SYNE2: variants seen among roughly 807,000 people sequenced by gnomAD.
The protein encoded by SYNE2 is nesprin-2.
In SYNE2, 431 loss-of-function variants were observed where a neutral mutation model predicts 856.3. The observed-to-expected ratio is 0.50, with a 90% CI of 0.47 to 0.55. The LOEUF (loss-of-function observed/expected upper bound fraction) is 0.55, where lower values mean the gene tolerates loss of function less well. SYNE2 is among the 20% of genes least tolerant of loss of function. The pLI, the probability that SYNE2 is intolerant of heterozygous loss-of-function variation, is 0.00. For synonymous variants in SYNE2, 2,923 were observed against 2,872.3 expected, an observed-to-expected ratio of 1.02 and a Z score of -0.56; for missense variants, 8,129 against 8,023.2, an observed-to-expected ratio of 1.01 and a Z score of -0.50.
rs149883279 is a variant in SYNE2 at position 64,031,753 on chromosome 14, C to T, written c.7221+396C>T. On this transcript the variant is annotated intron_variant, in intron 45 of 115. Transcript: ENST00000555002. The stretch of plus-strand genomic sequence containing the variant: ...ATTTCATAATAAAATCAGAGACTGT[C>T]GGAAAGGATAGTTTCTTATCTTTTT... Among the ~76,000 whole-genome samples, 8 of 152,170 alleles carry T rather than the reference C, an allele frequency of 5.3e-5. No homozygotes were observed. In the East Asian group the frequency reaches 1.3e-3, roughly 26 times the overall value.
chr14:64,123,735 A>T (rs1243882074), intron 70 of SYNE2, among the ~76,000 whole-genome samples: 3 of 152,202 alleles, frequency 2.0e-5, no homozygotes, highest in Non-Finnish European at 4.4e-5. Context: ...TAACAAATCA[A>T]GATGCAAACC....
At chr14:64,085,318 C>T (rs1407081910) in intron 57 of SYNE2, among the ~76,000 whole-genome samples, 1 of 152,286 alleles carries the variant, frequency 6.6e-6, no homozygotes, top group African/African-American at 2.4e-5. Context: ...TTGGAAGTGA[C>T]ATCTCATCAT....
intron 74 of SYNE2, 84 bp downstream of exon 74, chr14:64,128,637 T>C: frequency 1.2e-6 from 1 of 845,410 alleles, no homozygotes; most frequent in South Asian, 1.3e-5. Flanking sequence ...ACTACTTTCC[T>C]TTGTGAGCAG....
chr14:64,213,249 G>A (rs961321911), intron 105 of SYNE2, among the ~76,000 whole-genome samples: 7 of 152,142 alleles, frequency 4.6e-5, no homozygotes, highest in East Asian at 1.9e-4. Context: ...TCCACGAGTC[G>A]CTTTTAAGTA....
chr14:64,162,242 C>G lies in SYNE2; in HGVS notation c.16265C>G (p.Ala5422Gly). 2 of 1,614,200 alleles carry G rather than the reference C, an allele frequency of 1.2e-6. No homozygotes were observed. The highest frequency in any genetic ancestry group is 1.7e-6 in the Non-Finnish European group (2 of 1,180,026). The part of the protein sequence containing the change: ...ANISMSGNNL[A>G]EILPPALQDI... ...ATCAGCATGTCTGGAAACAACCTGG[C>G]AGAGATCCTGCCCCCAGCCCTGCAG... is the stretch of plus-strand genomic sequence containing the variant. The change falls in exon 88 of 116, where the codon GCA (alanine) becomes GGA (glycine). Residue 5422 changes from alanine to glycine, a missense_variant. Transcript: ENST00000555002.
chr14:63,814,089 A>ACAACAACAACAG (rs1888727570), intron 1 of SYNE2, among the ~76,000 whole-genome samples: 1 of 150,712 alleles, frequency 6.6e-6, no homozygotes, highest in Non-Finnish European at 1.5e-5. Context: ...AACAACAACA[A>ACAACAACAACAG]CAGCAACAAC....
chr14:63,869,032 C>T (rs1477365638), intron 1 of SYNE2, among the ~76,000 whole-genome samples: 1 of 152,116 alleles, frequency 6.6e-6, no homozygotes, highest in Non-Finnish European at 1.5e-5. Flanking sequence ...TCAAGCAGCT[C>T]CGAAGGGAAA....
intron 79 of SYNE2, among the ~76,000 whole-genome samples, chr14:64,138,218 T>G (rs2098111999): frequency 3.3e-5 from 5 of 152,098 alleles, no homozygotes. Context: ...TTCTTTTCTT[T>G]TCTTTTCTTT....
At chr14:63,938,520 G>T (rs1313848445) in intron 2 of SYNE2, among the ~76,000 whole-genome samples, 2 of 152,158 alleles carry the variant, frequency 1.3e-5, no homozygotes, top group Non-Finnish European at 2.9e-5. Flanking sequence ...AATGATAGAG[G>T]TAGGTAACAA....
intron 1 of SYNE2, among the ~76,000 whole-genome samples, chr14:63,801,477 C>T (rs71416313): frequency 0.047 from 7,192 of 152,078 alleles, 216 homozygotes; most frequent in Middle Eastern, 0.095. Flanking sequence ...TTCGAGACCT[C>T]GAGACCAGCC....
intron 11 of SYNE2, among the ~76,000 whole-genome samples, chr14:63,970,576 ACTCT>A (rs1438025709): frequency 7.0e-6 from 1 of 142,634 alleles, no homozygotes; most frequent in African/African-American, 2.6e-5. Flanking sequence ...ATATCATTTA[ACTCT>A]TTGTTTTGTT....
At chr14:64,043,021 A>G (rs1398735561) in intron 45 of SYNE2, among the ~76,000 whole-genome samples, 1 of 152,182 alleles carries the variant, frequency 6.6e-6, no homozygotes, top group African/African-American at 2.4e-5. Context: ...GAAATGTATA[A>G]TAAGGTCCAG....
intron 58 of SYNE2, among the ~76,000 whole-genome samples, chr14:64,088,499 G>A (rs542041927): frequency 6.6e-6 from 1 of 152,090 alleles, no homozygotes; most frequent in Non-Finnish European, 1.5e-5. Context: ...TGCCCAGCAC[G>A]GTGGCTCACG....
At chr14:63,788,979 AATAG>A (rs920240459) in intron 1 of SYNE2, among the ~76,000 whole-genome samples, 10 of 152,354 alleles carry the variant, frequency 6.6e-5, no homozygotes, top group South Asian at 2.1e-4. Flanking sequence ...TCAACAGATA[AATAG>A]ATAAAGAAAA....
chr14:63,989,918 A>G (rs1283977420), intron 19 of SYNE2, among the ~76,000 whole-genome samples: 1 of 152,152 alleles, frequency 6.6e-6, no homozygotes, highest in Non-Finnish European at 1.5e-5. Flanking sequence ...CCAAAGTGCT[A>G]GGATTACAGG....
intron 76 of SYNE2, among the ~76,000 whole-genome samples, chr14:64,131,072 C>A (rs1375956573): frequency 6.6e-6 from 1 of 151,958 alleles, no homozygotes; most frequent in African/African-American, 2.4e-5. Flanking sequence ...ATGTGTAGGA[C>A]GGTTCCTACC....
intron 8 of SYNE2, among the ~76,000 whole-genome samples, chr14:63,959,545 C>G (rs923669247): frequency 6.6e-6 from 1 of 151,866 alleles, no homozygotes; most frequent in Non-Finnish European, 1.5e-5. Context: ...TGATTCGCCG[C>G]CTTGACCTCA....
chr14:64,042,273 C>T (rs779819228), intron 45 of SYNE2, among the ~76,000 whole-genome samples: 1 of 152,076 alleles, frequency 6.6e-6, no homozygotes, highest in Non-Finnish European at 1.5e-5. Flanking sequence ...ACCCATAAAG[C>T]AATGTTATAT....
At chr14:63,956,798 C>T (rs772247157) in intron 8 of SYNE2, among the ~76,000 whole-genome samples, 9 of 152,078 alleles carry the variant, frequency 5.9e-5, no homozygotes, top group Admixed American at 2.0e-4. Flanking sequence ...ATAGCATTTA[C>T]GTTGTATTGG....
Sources: gnomAD v4.1 joint callset for allele counts (sites outside exome capture counted in the v4.1 genomes callset) on GRCh38, gnomAD v4.1.1 for gene constraint, MANE v1.5 for transcripts, NCBI Gene and HGNC (gene_info 2026-07-23, HGNC 2026-07-21) for gene names.